Variants in PICALM observed in about 807,000 individuals in gnomAD.
PICALM encodes phosphatidylinositol binding clathrin assembly protein, also known as phosphatidylinositol-binding clathrin assembly protein.
In PICALM, 40 loss-of-function variants were observed where a neutral mutation model predicts 80.5. That is an observed-to-expected ratio of 0.50 (90% confidence interval 0.39 to 0.65). PICALM has a LOEUF of 0.65. Among genes scored for constraint, PICALM ranks in the 30% least tolerant of loss-of-function variants. The pLI, the probability that PICALM is intolerant of heterozygous loss-of-function variation, is 0.00. For synonymous variants in PICALM, 288 were observed against 260.3 expected (o/e 1.11, Z -1.02); for missense variants, 676 against 778.9 (o/e 0.87, Z 1.57).
At chr11:85,971,825 C>T (rs1592382577) in intron 19 of PICALM, among the ~76,000 whole-genome samples, 1 of 152,246 alleles carries the variant, frequency 6.6e-6, no homozygotes, top group African/African-American at 2.4e-5. Flanking sequence ...TCTTGTCGCC[C>T]AGCCTGGAGT....
At chr11:86,005,423 G>T (rs1014935388) in intron 8 of PICALM, among the ~76,000 whole-genome samples, 1 of 152,046 alleles carries the variant, frequency 6.6e-6, no homozygotes, top group African/African-American at 2.4e-5. Flanking sequence ...GAGGAGGCTG[G>T]GCACAGTGAC....
chr11:85,974,399 A>G (rs2094205976), intron 19 of PICALM: 1 of 529,094 alleles, frequency 1.9e-6, no homozygotes, highest in Non-Finnish European at 3.7e-6. Context: ...TGAGGTTCAC[A>G]AAGGATACTA....
chr11:86,053,224 T>C (rs1434203710), intron 1 of PICALM, among the ~76,000 whole-genome samples: 8 of 152,232 alleles, frequency 5.3e-5, no homozygotes, highest in African/African-American at 1.7e-4. Context: ...CACCTCAGTA[T>C]GTTAAAACTG....
intron 1 of PICALM, among the ~76,000 whole-genome samples, chr11:86,055,384 A>C (rs1455979610): frequency 6.6e-6 from 1 of 152,192 alleles, no homozygotes; most frequent in Non-Finnish European, 1.5e-5. Flanking sequence ...TTTGTGGACC[A>C]AAACAACTTA....
upstream of PICALM, chr11:86,069,407 G>C (rs911327939): frequency 5.2e-4 from 79 of 153,266 alleles, no homozygotes; most frequent in Non-Finnish European, 9.5e-4. Flanking sequence ...CGAGGGCGGT[G>C]TGCTGGCGGG....
At chr11:85,983,241 G>C (rs1033607054) in intron 14 of PICALM, among the ~76,000 whole-genome samples, 1 of 152,120 alleles carries the variant, frequency 6.6e-6, no homozygotes, top group Non-Finnish European at 1.5e-5. Flanking sequence ...GGTAAGAACA[G>C]AATTATGAGT....
intron 6 of PICALM, 137 bp from the exon 7 acceptor site, chr11:86,011,273 G>C: frequency 1.8e-6 from 1 of 550,418 alleles, no homozygotes; most frequent in Admixed American, 3.7e-5. Context: ...TCAGTGTTAA[G>C]TTAGCTTAGG....
At chr11:86,051,442 C>T (rs2096185158) in intron 1 of PICALM, among the ~76,000 whole-genome samples, 1 of 152,154 alleles carries the variant, frequency 6.6e-6, no homozygotes, top group African/African-American at 2.4e-5. Flanking sequence ...GGGCGGATCA[C>T]TTGAAGTCAG....
rs779497802 is a variant in PICALM, at chr11:86,064,472, G to A, written c.130+4179C>T. Among the ~76,000 whole-genome samples, 35 of 152,028 alleles carry A rather than the reference G, an allele frequency of 2.3e-4. 1 individual carries two copies. The highest frequency in any genetic ancestry group is 5.9e-4 in the Admixed American group (9 of 15,272). On this transcript the variant is annotated intron_variant, in intron 1 of 19. Coordinates refer to ENST00000393346, the MANE Select transcript of PICALM (RefSeq NM_007166.4). ...GAGCCCAGGAGTTTGAGACCTGCCC[G>A]AGCAACACAAGGAGACCCTGTCTGT... is the stretch of plus-strand genomic sequence containing the variant.
chr11:85,960,844 G>C, intron 19 of PICALM: 1 of 617,028 alleles, frequency 1.6e-6, no homozygotes, highest in Non-Finnish European at 2.4e-6. Context: ...CATGAAAGCA[G>C]AAAATGTATG....
chr11:86,031,306 G>T (rs955997955), intron 2 of PICALM, among the ~76,000 whole-genome samples, 163 bp downstream of exon 2: 3 of 152,000 alleles, frequency 2.0e-5, no homozygotes, highest in East Asian at 3.9e-4. Context: ...TTGCTTTCTG[G>T]CTTACAAGCT....
chr11:86,069,499 G>A (rs1593622662), upstream of PICALM: 2 of 152,426 alleles, frequency 1.3e-5, no homozygotes, highest in South Asian at 4.1e-4. Flanking sequence ...CCAACAGCTT[G>A]ACAAAGGAGG....
intron 12 of PICALM, among the ~76,000 whole-genome samples, chr11:85,995,183 C>G (rs937755109): frequency 6.6e-6 from 1 of 152,128 alleles, no homozygotes; most frequent in Non-Finnish European, 1.5e-5. Context: ...TTGTTTATCA[C>G]CAACTCAGAA....
intron 12 of PICALM, among the ~76,000 whole-genome samples, chr11:85,995,581 T>G (rs1417263546): frequency 6.6e-6 from 1 of 152,178 alleles, no homozygotes; most frequent in African/African-American, 2.4e-5. Context: ...ATATTTTTAT[T>G]TGGCCTTCTA....
chr11:86,055,001 A>AT (rs898324980), intron 1 of PICALM, among the ~76,000 whole-genome samples: 3 of 152,148 alleles, frequency 2.0e-5, no homozygotes, highest in African/African-American at 7.2e-5. Flanking sequence ...AAAAAATATG[A>AT]TTTTTTTTAA....
chr11:86,003,302 G>T, intron 9 of PICALM, 64 bp downstream of exon 9: 2 of 865,326 alleles, frequency 2.3e-6, no homozygotes, highest in Non-Finnish European at 1.9e-6. Context: ...TGGAACTTGA[G>T]CTGGTTTCAT....
At chr11:86,049,378 T>TAA (rs2096137376) in intron 1 of PICALM, among the ~76,000 whole-genome samples, 1 of 152,208 alleles carries the variant, frequency 6.6e-6, no homozygotes, top group African/African-American at 2.4e-5. Flanking sequence ...TTATCTTTGA[T>TAA]ATTCAGTTTT....
chr11:85,963,078 G>A (rs2093743693), intron 19 of PICALM, among the ~76,000 whole-genome samples: 1 of 152,166 alleles, frequency 6.6e-6, no homozygotes, highest in Admixed American at 6.5e-5. Context: ...TATAAGAGCT[G>A]ACTTGACTCT....
At position 86,058,941 on chromosome 11, in the gene PICALM, T is replaced by C. The variant is rs144623116; in HGVS notation, c.130+9710A>G. On this transcript the variant is annotated intron_variant, in intron 1 of 19. Coordinates refer to ENST00000393346, the MANE Select transcript of PICALM (RefSeq NM_007166.4). ...AATATGTCCTCAAAAATGTGCATTT[T>C]AATATAGTGTTCAACTGGAGCAGCT... Among the ~76,000 whole-genome samples the C allele has an allele frequency of 3.1e-3, 475 of 152,348 alleles. 4 individuals carry two copies. Among genetic ancestry groups the C allele is most frequent in the South Asian group, 0.011 (51 of 4,834 alleles).
Sources: gnomAD v4.1 joint callset for allele counts (sites outside exome capture counted in the v4.1 genomes callset) on GRCh38, gnomAD v4.1.1 for gene constraint, MANE v1.5 for transcripts, NCBI Gene and HGNC (gene_info 2026-07-23, HGNC 2026-07-21) for gene names.